Variants in CYB5D2 observed in about 807,000 individuals in gnomAD.
The protein encoded by CYB5D2 is cytochrome b5 domain containing 2, also known as neuferricin.
In CYB5D2, 23 loss-of-function variants were observed where a neutral mutation model predicts 22.8. The observed-to-expected ratio is 1.01, with a 90% CI of 0.73 to 1.43. CYB5D2 has a LOEUF of 1.43. Ranked by LOEUF, CYB5D2 falls within the 40% of genes most tolerant of loss-of-function variation. The pLI, the probability that CYB5D2 is intolerant of heterozygous loss-of-function variation, is 0.00. For synonymous variants in CYB5D2, 170 were observed against 152.2 expected, an observed-to-expected ratio of 1.12 and a Z score of -0.86; for missense variants, 373 against 357.2, an observed-to-expected ratio of 1.04 and a Z score of -0.36.
chr17:4,151,843 A>G (rs2059061713), intron 2 of CYB5D2, among the ~76,000 whole-genome samples: 1 of 152,186 alleles, frequency 6.6e-6, no homozygotes, highest in East Asian at 1.9e-4. Context: ...TGTCTCTACT[A>G]TAAATACAAA....
At chr17:4,147,097 G>C (rs1352993786) in intron 1 of CYB5D2, among the ~76,000 whole-genome samples, 1 of 151,980 alleles carries the variant, frequency 6.6e-6, no homozygotes, top group Non-Finnish European at 1.5e-5. Flanking sequence ...ATGCCACTAT[G>C]TACATTCATG....
intron 2 of CYB5D2, among the ~76,000 whole-genome samples, chr17:4,153,262 G>A (rs547138855): frequency 5.9e-5 from 9 of 152,220 alleles, no homozygotes; most frequent in Admixed American, 4.6e-4. Flanking sequence ...AGCTGAGACC[G>A]GCAGGTGAGT....
intron 1 of CYB5D2, 91 bp from the exon 2 acceptor site, chr17:4,149,800 A>G: frequency 1.3e-6 from 2 of 1,511,930 alleles, no homozygotes; most frequent in Non-Finnish European, 1.8e-6. Context: ...CTCCGTCTCA[A>G]AAAAAAAAGA....
intron 1 of CYB5D2, among the ~76,000 whole-genome samples, chr17:4,145,732 A>G (rs1174767475): frequency 6.6e-6 from 1 of 152,182 alleles, no homozygotes; most frequent in East Asian, 1.9e-4. Context: ...TCGTTCATTC[A>G]GTATTTTATT....
In CYB5D2 at chr17:4,143,613, CTAAG is replaced by C; in HGVS notation, c.-142_-139del. 1 of 1,201,400 alleles carries C rather than the reference CTAAG, an allele frequency of 8.3e-7. No homozygotes were observed. Among genetic ancestry groups the C allele is most frequent in the Non-Finnish European group, 1.2e-6 (1 of 858,678 alleles). The allele number at this position is 1,201,400 out of a possible 1,614,324, so 74.4% of individuals were successfully genotyped here. A position where few individuals can be genotyped will look rare whatever the true frequency, so the allele number is the denominator to read the frequency against. ...AGGAATACAGATAAAACGAGAGAGA[CTAAG>C]GGAGGGAGCGCGAGCACTAGCGCGC... On this transcript the variant is annotated 5_prime_UTR_variant, in exon 1 of 4. Coordinates refer to ENST00000301391, the MANE Select transcript of CYB5D2 (RefSeq NM_144611.4).
Position 4,157,201 on chromosome 17 carries a change from C to A in CYB5D2, c.*119C>A. ...CGAATCAGGAGGGTCTGGAAGGACTCTGGCTATATTCTGCAAATGTGGCTC... is the reference window on the plus strand; with the variant it reads ...CGAATCAGGAGGGTCTGGAAGGACTATGGCTATATTCTGCAAATGTGGCTC... On this transcript the variant is annotated 3_prime_UTR_variant, in exon 4 of 4. Transcript: ENST00000301391. The surrounding 1 kb of genome is among the most constrained non-coding windows in gnomAD (Gnocchi z 4.4). The A allele has an allele frequency of 8.6e-7, 1 of 1,160,936 alleles. No homozygotes were observed. Among genetic ancestry groups the A allele is most frequent in the Non-Finnish European group, 1.2e-6 (1 of 821,032 alleles). The allele number at this position is 1,160,936 out of a possible 1,614,324, so 71.9% of individuals were successfully genotyped here.
In CYB5D2 at chr17:4,143,734, C is replaced by A; in HGVS notation, c.-22C>A. 1 of 1,588,938 alleles carries A rather than the reference C, an allele frequency of 6.3e-7. No homozygotes were observed. Among genetic ancestry groups the A allele is most frequent in the Non-Finnish European group, 8.6e-7 (1 of 1,164,410 alleles). ...GATAGAGGCGGCAACCTCGGAAGTG[C>A]GGAGCGGGTGGGCCTATATAGATGT... On this transcript the variant is annotated 5_prime_UTR_variant, in exon 1 of 4. Transcript: ENST00000301391.
intron 1 of CYB5D2, among the ~76,000 whole-genome samples, chr17:4,149,580 G>A (rs192560332): frequency 6.6e-6 from 1 of 152,128 alleles, no homozygotes; most frequent in Non-Finnish European, 1.5e-5. Flanking sequence ...CAAGGTGGGC[G>A]GATCACCTGA....
At chr17:4,153,865 G>A (rs2059083930) in intron 2 of CYB5D2, among the ~76,000 whole-genome samples, 1 of 152,220 alleles carries the variant, frequency 6.6e-6, no homozygotes, top group Non-Finnish European at 1.5e-5. Flanking sequence ...CGTTGGACTT[G>A]GGAGACGAGC....
Position 4,143,535 on chromosome 17 carries a change from A to G in CYB5D2, c.-221A>G, listed in dbSNP as rs1207219200. 1 of 535,620 alleles carries G rather than the reference A, an allele frequency of 1.9e-6. No homozygotes were observed. Among genetic ancestry groups the G allele is most frequent in the African/African-American group, 2.0e-5 (1 of 50,944 alleles). 33.2% of individuals were successfully genotyped at this position (535,620 alleles called of 1,614,324 possible). ...GAGCTAAAACTCTGTCTCAGAAAAA[A>G]AAAAAAAAAGTACCTGGAAAAAGTC... On this transcript the variant is annotated 5_prime_UTR_variant, in exon 1 of 4. Coordinates refer to ENST00000301391, the MANE Select transcript of CYB5D2 (RefSeq NM_144611.4).
chr17:4,156,133 C>T (rs1021506782), intron 3 of CYB5D2, among the ~76,000 whole-genome samples: 7 of 152,230 alleles, frequency 4.6e-5, no homozygotes, highest in Admixed American at 6.5e-5. Flanking sequence ...CAGCAGGCAC[C>T]GGAAGCTGTC....
chr17:4,156,759 G>T, intron 3 of CYB5D2, 107 bp from the exon 4 acceptor site: 1 of 1,210,396 alleles, frequency 8.3e-7, no homozygotes. Context: ...AAACACTCTG[G>T]TAGGCTTCTA....
rs991832531 is a variant in CYB5D2 at position 4,144,081 on chromosome 17, A to G, written c.250+76A>G. On this transcript the variant is annotated intron_variant, in intron 1 of 3. Transcript: ENST00000301391. ...CCACCTGCGCGTCGTTCGTTGGTTC[A>G]TTATTCATCTATTTCCCCCCCCATC... is the stretch of plus-strand genomic sequence containing the variant. 2.7e-6 allele frequency: 4 copies of G among 1,507,950 alleles called. No homozygotes were observed. The African/African-American group carries it at 4.2e-5, about 16-fold the overall frequency. 93.4% of individuals were successfully genotyped at this position (1,507,950 alleles called of 1,614,324 possible).
chr17:4,145,189 A>G (rs2058974156), intron 1 of CYB5D2, among the ~76,000 whole-genome samples: 1 of 152,230 alleles, frequency 6.6e-6, no homozygotes, highest in Admixed American at 6.5e-5. Flanking sequence ...ATCAGCTACT[A>G]GGCTGACATT....
chr17:4,144,349 C>T (rs905761296), intron 1 of CYB5D2, among the ~76,000 whole-genome samples: 11 of 152,056 alleles, frequency 7.2e-5, no homozygotes, highest in Admixed American at 1.3e-4. Context: ...TAAACGAGAT[C>T]CCGCCCCGCC....
intron 1 of CYB5D2, among the ~76,000 whole-genome samples, chr17:4,147,644 G>T (rs2059007028): frequency 6.6e-6 from 1 of 152,046 alleles, no homozygotes; most frequent in Non-Finnish European, 1.5e-5. Context: ...ACCTGAGTTT[G>T]GGAGTTCGAA....
chr17:4,153,468 C>T (rs189005500), intron 2 of CYB5D2, among the ~76,000 whole-genome samples: 28 of 152,302 alleles, frequency 1.8e-4, no homozygotes, highest in African/African-American at 6.7e-4. Context: ...CCTTAGAGGC[C>T]TTGATAAGAA....
chr17:4,153,237 A>G lies in CYB5D2; in HGVS notation c.392-1437A>G, dbSNP rs561927185. Among the ~76,000 whole-genome samples the G allele has an allele frequency of 5.3e-5, 8 of 152,156 alleles. No homozygotes were observed. The East Asian group carries it at 1.2e-3, about 22-fold the overall frequency. On this transcript the variant is annotated intron_variant, in intron 2 of 3. Coordinates refer to ENST00000301391, the MANE Select transcript of CYB5D2 (RefSeq NM_144611.4). ...CACATGCTCAGGAGTGGCTTCTTGG[A>G]GAAAATGACCGTTAAGCTGAGACCG...
chr17:4,143,593 T>C lies in CYB5D2; in HGVS notation c.-163T>C, dbSNP rs565550558. On this transcript the variant is annotated 5_prime_UTR_variant, in exon 1 of 4. Transcript: ENST00000301391. The stretch of plus-strand genomic sequence containing the variant: ...GCGAGCTTTTCGCCAGTGCCAGGAA[T>C]ACAGATAAAACGAGAGAGACTAAGG... 2.0e-6 allele frequency: 2 copies of C among 989,996 alleles called. No individual in the cohort carries two copies. The highest frequency in any genetic ancestry group is 1.8e-5 in the South Asian group (1 of 54,226). The allele number at this position is 989,996 out of a possible 1,614,324, so 61.3% of individuals were successfully genotyped here. A position where few individuals can be genotyped will look rare whatever the true frequency, so the allele number is the denominator to read the frequency against.
Sources: gnomAD v4.1 joint callset for allele counts (sites outside exome capture counted in the v4.1 genomes callset) on GRCh38, gnomAD v4.1.1 for gene constraint, Gnocchi (gnomAD v3.1) non-coding constraint, MANE v1.5 for transcripts, NCBI Gene and HGNC (gene_info 2026-07-23, HGNC 2026-07-21) for gene names.